PEX1: variants seen among roughly 807,000 people sequenced by gnomAD.
PEX1 encodes the protein peroxisomal biogenesis factor 1.
In PEX1, 97 loss-of-function variants were observed where a neutral mutation model predicts 152.5. That is an observed-to-expected ratio of 0.64 (90% CI 0.54 to 0.75). The LOEUF (loss-of-function observed/expected upper bound fraction) is 0.75, where lower values mean the gene tolerates loss of function less well. Ranked by LOEUF, PEX1 falls within the 30% of genes least tolerant of loss-of-function variation. The pLI, the probability that PEX1 is intolerant of heterozygous loss-of-function variation, is 0.00. For missense variants in PEX1, 1,357 were observed against 1,516.3 expected (o/e 0.89, Z 1.74); for synonymous variants, 485 against 531.6 (o/e 0.91, Z 1.21).
intron 1 of PEX1, among the ~76,000 whole-genome samples, chr7:92,523,760 G>T (rs538411378): frequency 6.6e-6 from 1 of 152,170 alleles, no homozygotes; most frequent in African/African-American, 2.4e-5. Flanking sequence ...GAGTCAGGGA[G>T]GTTGAGGCTA....
intron 15 of PEX1, among the ~76,000 whole-genome samples, chr7:92,500,942 C>T (rs1791893870): frequency 6.6e-6 from 1 of 152,178 alleles, no homozygotes; most frequent in African/African-American, 2.4e-5. Context: ...AACTCTTCTA[C>T]CTCCTAGTTT....
At position 92,513,931 on chromosome 7, in the gene PEX1, T is replaced by C. The variant is rs149165056; in HGVS notation, c.1276A>G (p.Met426Val). 25 of 1,589,130 alleles carry C rather than the reference T, an allele frequency of 1.6e-5. No homozygotes were observed. Among genetic ancestry groups the C allele is most frequent in the Non-Finnish European group, 2.2e-5 (25 of 1,158,516 alleles). ...DDLRKRLNIE[M>V]HAVVRITPVE... ...GGAGTTATCCTGACTACGGCATGCATTTCTATATTTAGTCTCTTCCTCAGG... is the reference window on the plus strand; with the variant it reads ...GGAGTTATCCTGACTACGGCATGCACTTCTATATTTAGTCTCTTCCTCAGG... The change falls in exon 6 of 24, where the codon ATG becomes GTG. Residue 426 changes from methionine (M) to valine (V), a missense_variant. Physicochemically the swap from Met to Val is conservative, Grantham distance 21 (BLOSUM62 1). Coordinates refer to ENST00000248633, the MANE Select transcript of PEX1 (RefSeq NM_000466.3).
Position 92,528,509 on chromosome 7 carries a change from T to G in PEX1, c.-74A>C. 1 of 1,481,688 alleles carries G rather than the reference T, an allele frequency of 6.7e-7. No individual in the cohort carries two copies. The highest frequency in any genetic ancestry group is 9.0e-7 in the Non-Finnish European group (1 of 1,116,460). The allele number at this position is 1,481,688 out of a possible 1,614,324, so 91.8% of individuals were successfully genotyped here. A position where few individuals can be genotyped will look rare whatever the true frequency, so the allele number is the denominator to read the frequency against. On this transcript the variant is annotated 5_prime_UTR_variant, in exon 1 of 24. Coordinates refer to ENST00000248633, the MANE Select transcript of PEX1 (RefSeq NM_000466.3). ...CCCGGGACCCGGCAGGCCGAGGACG[T>G]CGGAGCCGGAGGAGATCGATCGGCC...
chr7:92,525,964 G>A (rs1188140832), intron 1 of PEX1, among the ~76,000 whole-genome samples: 1 of 152,186 alleles, frequency 6.6e-6, no homozygotes, highest in Non-Finnish European at 1.5e-5. Context: ...ACTGAGGGAA[G>A]AATGGCATGA....
At chr7:92,487,562 T>C (rs767554606) in intron 23 of PEX1, 21 bp from the exon 24 acceptor site, 1 of 1,177,872 alleles carries the variant, frequency 8.5e-7, no homozygotes, top group Non-Finnish European at 1.3e-6. Context: ...AAAGAGATAA[T>C]TTAATATGTA....
At chr7:92,503,004 G>A in intron 13 of PEX1, 37 bp downstream of exon 13, 1 of 1,546,770 alleles carries the variant, frequency 6.5e-7, no homozygotes, top group Non-Finnish European at 8.9e-7. Flanking sequence ...TCTATAAAAG[G>A]GACATAATTC....
Position 92,492,870 on chromosome 7 carries a change from A to T in PEX1, c.3207+83T>A, listed in dbSNP as rs1791415659. On this transcript the variant is annotated intron_variant, in intron 20 of 23. Transcript: ENST00000248633. ...GTTTTACCAAAGTTGTTTAAAAAAT[A>T]GCATTTTTTAAGGTGGAAATTTTGA... 8 of 1,040,488 alleles carry T rather than the reference A, an allele frequency of 7.7e-6. No homozygotes were observed. In the Admixed American group the frequency reaches 1.4e-4, roughly 18 times the overall value. The allele number at this position is 1,040,488 out of a possible 1,614,324, so 64.5% of individuals were successfully genotyped here.
Position 92,519,030 on chromosome 7 carries a change from C to T in PEX1, c.322G>A (p.Val108Met). The change falls in exon 3 of 24, where the codon GTG becomes ATG. Residue 108 changes from valine to methionine, a missense_variant. Coordinates refer to ENST00000248633, the MANE Select transcript of PEX1 (RefSeq NM_000466.3). ...CAATCATCTGCTGAGAGGGGTTCCA[C>T]CTCAACTTGTTGACAAGATACCACA... ...SHVVSCQQVE[V>M]EPLSADDWEI... is the part of the protein sequence containing the mutation. 1.2e-6 allele frequency: 2 copies of T among 1,612,038 alleles called. No individual in the cohort carries two copies. The highest frequency in any genetic ancestry group is 1.7e-6 in the Non-Finnish European group (2 of 1,178,246).
chr7:92,526,606 C>T (rs1031464522), intron 1 of PEX1, among the ~76,000 whole-genome samples: 1 of 152,026 alleles, frequency 6.6e-6, no homozygotes, highest in Non-Finnish European at 1.5e-5. Flanking sequence ...ACTTCTAATG[C>T]CTAAAAATTA....
intron 9 of PEX1, among the ~76,000 whole-genome samples, chr7:92,508,974 T>G (rs1418233658): frequency 6.6e-6 from 1 of 152,128 alleles, no homozygotes; most frequent in Non-Finnish European, 1.5e-5. Context: ...TAAGAATTAT[T>G]GTTTTATTCA....
chr7:92,495,053 CCCTT>C (rs1343399943), intron 17 of PEX1, among the ~76,000 whole-genome samples: 6 of 151,924 alleles, frequency 3.9e-5, no homozygotes, highest in African/African-American at 1.4e-4. Context: ...TTATTGGCCA[CCCTT>C]CCTTCTTTTG....
chr7:92,497,364 T>C (rs1462397669), intron 16 of PEX1, among the ~76,000 whole-genome samples: 1 of 151,988 alleles, frequency 6.6e-6, no homozygotes, highest in Non-Finnish European at 1.5e-5. Context: ...TGTAGAGATA[T>C]GACTTTAATC....
At chr7:92,488,461 T>C (rs1791059233) in intron 23 of PEX1, among the ~76,000 whole-genome samples, 1 of 152,194 alleles carries the variant, frequency 6.6e-6, no homozygotes, top group Non-Finnish European at 1.5e-5. Context: ...CACTGAATCA[T>C]TGACCTAGAA....
intron 20 of PEX1, 127 bp downstream of exon 20, chr7:92,492,826 A>G: frequency 1.3e-6 from 1 of 769,472 alleles, no homozygotes; most frequent in Non-Finnish European, 2.3e-6. Context: ...AACTAAAGGT[A>G]AATTTATGTT....
rs753770227 is a variant in PEX1, at chr7:92,517,884, T to C, written c.631A>G (p.Lys211Glu). The change falls in exon 5 of 24, where the codon AAA becomes GAA. Residue 211 changes from lysine (K) to glutamate (E), a missense_variant. Coordinates refer to ENST00000248633, the MANE Select transcript of PEX1 (RefSeq NM_000466.3). ...TGAAGTTGCTTGGTTTGAAGTTCTT[T>C]CATCATTCCTTTCTGGTCTCTTCCA... Reference protein sequence around the residue: ...SYGRDQKGMMKELQTKQLQSN... With the variant: ...SYGRDQKGMMEELQTKQLQSN... 2 of 1,546,362 alleles carry C rather than the reference T, an allele frequency of 1.3e-6. No individual in the cohort carries two copies. Among genetic ancestry groups the C allele is most frequent in the South Asian group, 1.3e-5 (1 of 77,702 alleles).
intron 1 of PEX1, among the ~76,000 whole-genome samples, chr7:92,526,622 A>G (rs1219071371): frequency 1.3e-5 from 2 of 152,248 alleles, no homozygotes; most frequent in Admixed American, 6.5e-5. Flanking sequence ...AATTAAGTAC[A>G]ATCTAAATGG....
At chr7:92,505,582 T>C (rs1792152690) in intron 11 of PEX1, among the ~76,000 whole-genome samples, 1 of 152,146 alleles carries the variant, frequency 6.6e-6, no homozygotes, top group Admixed American at 6.5e-5. Context: ...AAGATTCATT[T>C]AAAATCAAAT....
intron 1 of PEX1, among the ~76,000 whole-genome samples, chr7:92,524,487 G>A (rs1793181315): frequency 6.6e-6 from 1 of 151,032 alleles, no homozygotes. Flanking sequence ...GGCTGGTCTC[G>A]AACTCCTGAC....
At chr7:92,497,982 C>G (rs2116120225) in intron 16 of PEX1, among the ~76,000 whole-genome samples, 1 of 145,658 alleles carries the variant, frequency 6.9e-6, no homozygotes, top group Middle Eastern at 3.6e-3. Flanking sequence ...GCAGGAATCA[C>G]TTGAACCCAG....
Sources: gnomAD v4.1 joint callset for allele counts (sites outside exome capture counted in the v4.1 genomes callset) on GRCh38, gnomAD v4.1.1 for gene constraint, MANE v1.5 for transcripts, NCBI Gene and HGNC (gene_info 2026-07-23, HGNC 2026-07-21) for gene names.